Variants in TRIM55 observed in about 807,000 individuals in gnomAD.
TRIM55 encodes tripartite motif containing 55.
TRIM55 carries 50 observed loss-of-function variants against 60.9 expected under a neutral mutation model. That is an observed-to-expected ratio of 0.82 (90% CI 0.65 to 1.04). The LOEUF (loss-of-function observed/expected upper bound fraction) is 1.04. Ranked by LOEUF, TRIM55 falls within the 50% of genes least tolerant of loss-of-function variation. The probability of loss-of-function intolerance (pLI) is 0.00; values close to 1 mark genes in which losing one functional copy is unlikely to be tolerated. For missense variants in TRIM55, 681 were observed against 666.9 expected (o/e 1.02, Z -0.23); for synonymous variants, 237 against 238.1 (o/e 1.00, Z 0.04).
intron 9 of TRIM55, among the ~76,000 whole-genome samples, chr8:66,173,565 G>A (rs117838274): frequency 0.014 from 2,136 of 152,280 alleles, 20 homozygotes; most frequent in Non-Finnish European, 0.02. Flanking sequence ...AATCTGGTGG[G>A]ATAATTTTAC....
At chr8:66,152,685 G>A in intron 8 of TRIM55, 58 bp downstream of exon 8, 1 of 1,560,564 alleles carries the variant, frequency 6.4e-7, no homozygotes, top group South Asian at 1.2e-5. Flanking sequence ...TTATGGAATA[G>A]CCTAAACAAT....
intron 2 of TRIM55, among the ~76,000 whole-genome samples, chr8:66,133,389 A>G (rs1259210212): frequency 6.6e-6 from 1 of 151,742 alleles, no homozygotes; most frequent in African/African-American, 2.4e-5. Context: ...CGAGTACTGG[A>G]GATGCAGCAA....
chr8:66,135,189 T>C (rs2128974684), intron 3 of TRIM55, 34 bp downstream of exon 3: 1 of 1,576,376 alleles, frequency 6.3e-7, no homozygotes, highest in Non-Finnish European at 8.7e-7. Context: ...CCGCAACCCC[T>C]CCCCATCCCC....
intron 2 of TRIM55, among the ~76,000 whole-genome samples, chr8:66,134,105 A>T (rs537932045): frequency 6.6e-6 from 1 of 152,328 alleles, no homozygotes; most frequent in South Asian, 2.1e-4. Context: ...TAGCTCCCTA[A>T]ATTGATTTCA....
chr8:66,113,503 C>T, the TRIM55 span: 5 of 456,030 alleles, frequency 1.1e-5, no homozygotes, highest in African/African-American at 2.0e-5. Context: ...ACTTATGGCA[C>T]TTTCCTTGGG....
rs150362738 is a variant in TRIM55, at chr8:66,152,608, C to T, written c.1217C>T (p.Ala406Val). 1.5e-5 allele frequency: 24 copies of T among 1,613,898 alleles called. No homozygotes were observed. The highest frequency in any genetic ancestry group is 1.8e-5 in the Non-Finnish European group (21 of 1,179,982). ...PEPPPALPPA[A>V]DAPVTQGEVV... ...CCACCTCCAGCCCTGCCACCTGCTG[C>T]GGATGCCCCTGTGACACAGGTAACC... The change falls in exon 8 of 10, where the codon GCG (alanine) becomes GTG (valine). Residue 406 changes from alanine (A) to valine (V), a missense_variant. By Grantham distance (64) the Ala-to-Val change is moderately conservative (BLOSUM62 0). Transcript: ENST00000315962.
rs760416608 is a variant in TRIM55, at chr8:66,149,860, A to G, written c.819A>G (p.Glu273=). The G allele has an allele frequency of 8.0e-5, 129 of 1,613,906 alleles. No individual in the cohort carries two copies. The highest frequency in any genetic ancestry group is 1.1e-4 in the Non-Finnish European group (128 of 1,179,874). Residue 273 remains glutamate, a synonymous_variant, in exon 5 of 10, where the codon GAA becomes GAG. Coordinates refer to ENST00000315962, the MANE Select transcript of TRIM55 (RefSeq NM_184085.2). ...GAATTCAGTTTATGGATGAGCCAGA[A>G]ATGGCAGTGTTTCTGCAGGTAAGTC... is the stretch of plus-strand genomic sequence containing the variant. ...ESGIQFMDEP[E]MAVFLQNAKT...
Position 66,174,454 on chromosome 8 carries a change from A to G in TRIM55, c.1525-17A>G, listed in dbSNP as rs1323710204. 1.9e-6 allele frequency: 3 copies of G among 1,608,520 alleles called. No homozygotes were observed. Among genetic ancestry groups the G allele is most frequent in the Non-Finnish European group, 2.5e-6 (3 of 1,177,994 alleles). On this transcript the variant is annotated splice_polypyrimidine_tract_variant and intron_variant, in intron 9 of 9. Transcript: ENST00000315962. The stretch of plus-strand genomic sequence containing the variant: ...CAAACCTCTTTTTTCTCTGATTCCC[A>G]TTTTCTTCCATTGCAGATTGGATTT...
At chr8:66,127,121 T>A, upstream of TRIM55, 1 of 871,470 alleles carries the variant, frequency 1.1e-6, no homozygotes, top group Non-Finnish European at 1.7e-6. Flanking sequence ...CAGCACCCAC[T>A]CCAAACCAGG....
intron 9 of TRIM55, among the ~76,000 whole-genome samples, chr8:66,171,092 T>A (rs369007618): frequency 2.6e-5 from 4 of 152,222 alleles, no homozygotes; most frequent in South Asian, 2.1e-4. Context: ...ATTTCTTTTT[T>A]AAAAACACTT....
rs150672679 is a variant in TRIM55 at position 66,152,431 on chromosome 8, G to A, written c.1040G>A (p.Gly347Glu). Residue 347 changes from glycine (G) to glutamate (E), a missense_variant, in exon 8 of 10, where the codon GGA (glycine) becomes GAA (glutamate). By Grantham distance (98) the Gly-to-Glu change is moderately conservative (BLOSUM62 -2). Transcript: ENST00000315962. ...EGGEGEKEGE[G>E]EVGGEAVEVE... The stretch of plus-strand genomic sequence containing the variant: ...GGAGAAGGAGAAAAAGAAGGAGAAG[G>A]AGAAGTGGGAGGAGAAGCAGTAGAA... 6.8e-6 allele frequency: 11 copies of A among 1,610,594 alleles called. No individual in the cohort carries two copies. In the African/African-American group the frequency reaches 1.5e-4, roughly 21 times the overall value.
In TRIM55 at chr8:66,154,350, C is replaced by T. The variant is rs373755935; in HGVS notation, c.1524+16C>T. On this transcript the variant is annotated intron_variant, in intron 9 of 9. Transcript: ENST00000315962. ...TACTTCTCAGGTTAGTGATGATGCACTTGTGTCTATGCTTTCCCGCGCCCC... is the reference window on the plus strand; with the variant it reads ...TACTTCTCAGGTTAGTGATGATGCATTTGTGTCTATGCTTTCCCGCGCCCC... The T allele has an allele frequency of 1.9e-4, 302 of 1,611,624 alleles. 1 individual carries two copies. The highest frequency in any genetic ancestry group is 2.3e-4 in the Non-Finnish European group (273 of 1,178,238).
At chr8:66,153,182 A>T (rs904941584) in intron 8 of TRIM55, among the ~76,000 whole-genome samples, 10 of 152,156 alleles carry the variant, frequency 6.6e-5, no homozygotes, top group Admixed American at 2.0e-4. Flanking sequence ...AATACAACTT[A>T]TGTATTTTTC....
At chr8:66,150,655 G>A (rs182662045) in intron 7 of TRIM55, among the ~76,000 whole-genome samples, 189 bp downstream of exon 7, 1 of 150,990 alleles carries the variant, frequency 6.6e-6, no homozygotes, top group East Asian at 1.9e-4. Flanking sequence ...TGTTTATTTA[G>A]CTTTGCACAT....
chr8:66,146,119 C>G (rs1484187280), intron 4 of TRIM55, among the ~76,000 whole-genome samples: 2 of 152,144 alleles, frequency 1.3e-5, no homozygotes, highest in African/African-American at 4.8e-5. Context: ...ATTTAATAGA[C>G]ACTGATCCAG....
chr8:66,131,758 C>T (rs1471710936), intron 2 of TRIM55, among the ~76,000 whole-genome samples: 1 of 152,202 alleles, frequency 6.6e-6, no homozygotes, highest in East Asian at 1.9e-4. Flanking sequence ...TAGCTCAAGT[C>T]AGCTTGCTTA....
upstream of TRIM55, among the ~76,000 whole-genome samples, chr8:66,126,453 A>G (rs1469948707): frequency 6.6e-6 from 1 of 152,228 alleles, no homozygotes; most frequent in Non-Finnish European, 1.5e-5. Context: ...ACAGCATACT[A>G]GAGTTGTTTT....
chr8:66,125,231 T>A (rs1286544786), upstream of TRIM55, among the ~76,000 whole-genome samples: 2 of 152,260 alleles, frequency 1.3e-5, no homozygotes. Flanking sequence ...CTTTCTCGAT[T>A]GAGACCTGTC....
chr8:66,125,622 C>A (rs1407863757), upstream of TRIM55, among the ~76,000 whole-genome samples: 1 of 152,186 alleles, frequency 6.6e-6, no homozygotes, highest in Non-Finnish European at 1.5e-5. Flanking sequence ...GCTGGGTGAA[C>A]CAAAGTAACT....
Sources: allele counts gnomAD v4.1 joint callset (sites outside exome capture counted in the v4.1 genomes callset), GRCh38; gene constraint gnomAD v4.1.1; transcripts MANE v1.5; gene names NCBI Gene and HGNC (gene_info 2026-07-23, HGNC 2026-07-21).